The following SPOCK3 variants were observed in gnomAD, a reference collection of about 807,000 sequenced individuals.
The protein encoded by SPOCK3 is SPARC (osteonectin), cwcv and kazal like domains proteoglycan 3.
Under a neutral mutation model 56.6 loss-of-function variants are expected in SPOCK3, and 30 were observed. The ratio of observed to expected loss-of-function variants is 0.53; its 90% CI spans 0.40 to 0.72. The LOEUF (loss-of-function observed/expected upper bound fraction) is 0.72, where lower values mean the gene tolerates loss of function less well. SPOCK3 is among the 30% of genes least tolerant of loss of function. The probability of loss-of-function intolerance (pLI) is 0.00; values close to 1 mark genes in which losing one functional copy is unlikely to be tolerated. For synonymous variants in SPOCK3, 196 were observed against 183.3 expected, an observed-to-expected ratio of 1.07 and a Z score of -0.56; for missense variants, 527 against 530.0, an observed-to-expected ratio of 0.99 and a Z score of 0.06.
chr4:166,921,848 T>C (rs1738524664), intron 4 of SPOCK3, among the ~76,000 whole-genome samples: 1 of 152,220 alleles, frequency 6.6e-6, no homozygotes, highest in Non-Finnish European at 1.5e-5. Flanking sequence ...CTATCTCTCC[T>C]AATAAATTAT....
At chr4:167,051,495 A>G (rs1421236415) in intron 3 of SPOCK3, among the ~76,000 whole-genome samples, 1 of 152,208 alleles carries the variant, frequency 6.6e-6, no homozygotes, top group African/African-American at 2.4e-5. Flanking sequence ...GTGCTATTTC[A>G]GGAAGGACAT....
chr4:167,116,667 T>C (rs1761404026), intron 2 of SPOCK3, among the ~76,000 whole-genome samples: 1 of 89,972 alleles, frequency 1.1e-5, no homozygotes, highest in Admixed American at 1.5e-4. Context: ...TATACGTATA[T>C]AGTATATATG....
chr4:167,073,713 AT>A (rs1199131277), intron 2 of SPOCK3, among the ~76,000 whole-genome samples: 1 of 151,716 alleles, frequency 6.6e-6, no homozygotes, highest in Non-Finnish European at 1.5e-5. Flanking sequence ...GCTATTTTTA[AT>A]TTATTTCATT....
At chr4:166,803,812 T>G (rs11131987) in intron 6 of SPOCK3, among the ~76,000 whole-genome samples, 147,346 of 152,214 alleles carry the variant, frequency 0.97, 71,351 homozygotes, top group East Asian at 1. Context: ...CTAATTTGTA[T>G]TTCTGGAAAG....
chr4:166,912,822 A>G (rs62354113), intron 4 of SPOCK3, 79 bp from the exon 5 acceptor site: 275,233 of 1,248,394 alleles, frequency 0.22, 35,763 homozygotes, highest in East Asian at 0.7. Flanking sequence ...CCTCTCCTAA[A>G]CTGCCATTCC....
chr4:166,789,377 C>T (rs560122995), intron 7 of SPOCK3, among the ~76,000 whole-genome samples: 4 of 151,946 alleles, frequency 2.6e-5, no homozygotes, highest in South Asian at 4.1e-4. Flanking sequence ...TGCAATGAGC[C>T]GAGATCACGC....
At chr4:166,749,476 A>G (rs1304807574) in intron 8 of SPOCK3, among the ~76,000 whole-genome samples, 2 of 151,900 alleles carry the variant, frequency 1.3e-5, no homozygotes, top group Non-Finnish European at 1.5e-5. Context: ...TTCACACACA[A>G]GGGCCTATGG....
In SPOCK3 at chr4:166,852,188, C is replaced by T. The variant is rs1730194183; in HGVS notation, c.589+36942G>A. Among the ~76,000 whole-genome samples, 5 of 151,968 alleles carry T rather than the reference C, an allele frequency of 3.3e-5. No individual in the cohort carries two copies. The South Asian group carries it at 1.0e-3, about 32-fold the overall frequency. On this transcript the variant is annotated intron_variant, in intron 6 of 10. Transcript: ENST00000357545. ...GGGAGCGATAGCATTGGGAGATATG[C>T]CTAATGCTAGATGACGAGTTAGTGG...
chr4:167,222,712 T>C (rs1282463665), intron 2 of SPOCK3, among the ~76,000 whole-genome samples: 1 of 132,428 alleles, frequency 7.6e-6, no homozygotes, highest in Non-Finnish European at 1.5e-5. Flanking sequence ...TAAACATAGA[T>C]ATATATTGAT....
chr4:166,834,889 T>C (rs976146859), intron 6 of SPOCK3, among the ~76,000 whole-genome samples: 2 of 152,182 alleles, frequency 1.3e-5, no homozygotes, highest in East Asian at 1.9e-4. Flanking sequence ...CACTGTACTC[T>C]GATTTCTCAA....
At chr4:166,959,712 T>A (rs927343290) in intron 4 of SPOCK3, among the ~76,000 whole-genome samples, 1 of 152,024 alleles carries the variant, frequency 6.6e-6, no homozygotes, top group African/African-American at 2.4e-5. Flanking sequence ...CTTAATAATA[T>A]AACCACAATT....
At chr4:167,093,639 C>T (rs546804390) in intron 2 of SPOCK3, among the ~76,000 whole-genome samples, 1 of 152,300 alleles carries the variant, frequency 6.6e-6, no homozygotes, top group Admixed American at 6.5e-5. Context: ...TTTCTAATGG[C>T]TGCATAGTAT....
chr4:166,955,058 G>T (rs552758967), intron 4 of SPOCK3, among the ~76,000 whole-genome samples: 25 of 152,050 alleles, frequency 1.6e-4, no homozygotes, highest in Middle Eastern at 6.8e-3. Context: ...TTGGTTCAAG[G>T]TTATTTTTTT....
At chr4:166,833,540 A>C (rs1746303338) in intron 6 of SPOCK3, among the ~76,000 whole-genome samples, 1 of 152,178 alleles carries the variant, frequency 6.6e-6, no homozygotes, top group South Asian at 2.1e-4. Context: ...AGGTGCAAAC[A>C]CATTTGGCAT....
At chr4:166,916,149 G>T (rs1288713124) in intron 4 of SPOCK3, among the ~76,000 whole-genome samples, 1 of 151,600 alleles carries the variant, frequency 6.6e-6, no homozygotes, top group African/African-American at 2.4e-5. Context: ...GAAGCAAATT[G>T]AATAACATAT....
chr4:166,931,731 A>G (rs1739809365), intron 4 of SPOCK3, among the ~76,000 whole-genome samples: 1 of 152,182 alleles, frequency 6.6e-6, no homozygotes, highest in South Asian at 2.1e-4. Context: ...CCAAGTATTG[A>G]TCACTTGTGT....
At chr4:167,033,233 C>G (rs1234295167) in intron 3 of SPOCK3, among the ~76,000 whole-genome samples, 3 of 151,484 alleles carry the variant, frequency 2.0e-5, no homozygotes, top group Non-Finnish European at 4.4e-5. Flanking sequence ...CAAAGTAATT[C>G]ACCACTGAGC....
chr4:166,807,826 A>G (rs1274463619), intron 6 of SPOCK3, among the ~76,000 whole-genome samples: 1 of 152,088 alleles, frequency 6.6e-6, no homozygotes, highest in African/African-American at 2.4e-5. Context: ...ATGGCATTTG[A>G]GTTACATAAT....
intron 10 of SPOCK3, among the ~76,000 whole-genome samples, chr4:166,735,718 A>G (rs1391327189): frequency 4.6e-5 from 7 of 151,996 alleles, no homozygotes; most frequent in African/African-American, 1.7e-4. Flanking sequence ...GATGAGAGCT[A>G]CCTCTAAGAG....
Sources: gnomAD v4.1 joint callset for allele counts (sites outside exome capture counted in the v4.1 genomes callset) on GRCh38, gnomAD v4.1.1 for gene constraint, MANE v1.5 for transcripts, NCBI Gene and HGNC (gene_info 2026-07-23, HGNC 2026-07-21) for gene names.